Variants in PDE10A observed in about 807,000 individuals in gnomAD.
PDE10A encodes the protein phosphodiesterase 10A.
PDE10A carries 39 observed loss-of-function variants against 97.7 expected under a neutral mutation model. The observed-to-expected ratio is 0.40, with a 90% CI of 0.31 to 0.52. PDE10A has a LOEUF of 0.52. PDE10A is among the 20% of genes least tolerant of loss of function. PDE10A has a pLI of 0.56. For synonymous variants in PDE10A, 371 were observed against 376.8 expected (o/e 0.98, Z 0.18); for missense variants, 731 against 1,047.8 (o/e 0.70, Z 4.17).
At chr6:165,841,614 C>A (rs1466475836) in intron 1 of PDE10A, among the ~76,000 whole-genome samples, 5 of 152,244 alleles carry the variant, frequency 3.3e-5, no homozygotes, top group Non-Finnish European at 7.3e-5. Flanking sequence ...TTCAAAACAA[C>A]CCTAACCTTA....
chr6:165,419,192 C>T (rs958872373), intron 10 of PDE10A, among the ~76,000 whole-genome samples: 3 of 152,214 alleles, frequency 2.0e-5, no homozygotes, highest in African/African-American at 4.8e-5. Context: ...GTCAGCACTA[C>T]GACCACCACT....
chr6:165,597,986 C>T (rs1786705442), intron 1 of PDE10A, among the ~76,000 whole-genome samples: 1 of 152,190 alleles, frequency 6.6e-6, no homozygotes, highest in South Asian at 2.1e-4. Context: ...AACAGGGCAA[C>T]AAGAGCTCCA....
chr6:165,790,593 T>G (rs1197993853), intron 1 of PDE10A, among the ~76,000 whole-genome samples: 1 of 152,168 alleles, frequency 6.6e-6, no homozygotes, highest in Non-Finnish European at 1.5e-5. Context: ...CCCAGAGACA[T>G]GGCTCATTCT....
intron 1 of PDE10A, among the ~76,000 whole-genome samples, chr6:165,888,296 C>CT (rs10708803): frequency 2.7e-3 from 396 of 148,202 alleles, no homozygotes; most frequent in Non-Finnish European, 2.7e-3. Flanking sequence ...CTTTTCTTTT[C>CT]TTTTTTTTTT....
chr6:165,984,228 T>C (rs1785112113), intron 1 of PDE10A, among the ~76,000 whole-genome samples: 2 of 152,370 alleles, frequency 1.3e-5, no homozygotes, highest in South Asian at 2.1e-4. Flanking sequence ...TGGATATAGG[T>C]ACTTACTGTT....
chr6:165,376,457 T>C (rs912169495), intron 18 of PDE10A, among the ~76,000 whole-genome samples: 1 of 152,232 alleles, frequency 6.6e-6, no homozygotes, highest in African/African-American at 2.4e-5. Flanking sequence ...ATAAACTTGT[T>C]TGACAAAGCA....
chr6:165,955,191 A>G (rs1242309333), intron 1 of PDE10A, among the ~76,000 whole-genome samples: 5 of 152,118 alleles, frequency 3.3e-5, no homozygotes, highest in African/African-American at 1.2e-4. Context: ...AGTTCTCCAC[A>G]TAGCCCGAGG....
chr6:165,987,738 C>T (rs1025973116), exon 1 of PDE10A: 1 of 456,428 alleles, frequency 2.2e-6, no homozygotes, highest in African/African-American at 2.0e-5. Context: ...CTCGCGCGCT[C>T]CGCTCAGCAG....
intron 5 of PDE10A, among the ~76,000 whole-genome samples, chr6:165,438,445 C>T (rs968314564): frequency 6.6e-6 from 1 of 152,240 alleles, no homozygotes; most frequent in Non-Finnish European, 1.5e-5. Flanking sequence ...GCCTCAGCCT[C>T]CCAAAGTGCT....
intron 1 of PDE10A, among the ~76,000 whole-genome samples, chr6:165,618,555 G>A (rs956695224): frequency 1.3e-5 from 2 of 152,222 alleles, no homozygotes; most frequent in Non-Finnish European, 2.9e-5. Flanking sequence ...CCATCCAGGA[G>A]CGGGACTTAA....
chr6:165,563,424 C>CT (rs1207076240), intron 1 of PDE10A, among the ~76,000 whole-genome samples: 2 of 152,136 alleles, frequency 1.3e-5, no homozygotes, highest in African/African-American at 2.4e-5. Context: ...ACAAAGAAAA[C>CT]TAAGTATAGA....
intron 10 of PDE10A, among the ~76,000 whole-genome samples, chr6:165,423,879 C>T (rs60937458): frequency 3.5e-3 from 524 of 151,846 alleles, no homozygotes; most frequent in African/African-American, 0.012. Flanking sequence ...CCCAGATTTG[C>T]TTGTCTGAAA....
intron 1 of PDE10A, among the ~76,000 whole-genome samples, chr6:165,617,528 T>A (rs2128404812): frequency 6.6e-6 from 1 of 152,158 alleles, no homozygotes; most frequent in East Asian, 1.9e-4. Context: ...GCCATTAATA[T>A]TAAATTATCA....
At chr6:165,703,659 A>G (rs1354270402) in intron 1 of PDE10A, among the ~76,000 whole-genome samples, 2 of 152,344 alleles carry the variant, frequency 1.3e-5, no homozygotes, top group East Asian at 3.9e-4. Flanking sequence ...GAACTGTCCA[A>G]TTTGCAGATT....
chr6:165,859,265 A>G (rs985354906), intron 1 of PDE10A, among the ~76,000 whole-genome samples: 1 of 152,212 alleles, frequency 6.6e-6, no homozygotes, highest in Non-Finnish European at 1.5e-5. Context: ...TAGACAGCGC[A>G]CCAGCACTGT....
intron 1 of PDE10A, among the ~76,000 whole-genome samples, chr6:165,801,296 A>G (rs879899770): frequency 1.1e-4 from 17 of 152,194 alleles, no homozygotes; most frequent in Non-Finnish European, 2.1e-4. Flanking sequence ...TGTAAACCCA[A>G]CACTTTGGGA....
At chr6:165,858,692 T>C (rs1583199323) in intron 1 of PDE10A, among the ~76,000 whole-genome samples, 2 of 152,206 alleles carry the variant, frequency 1.3e-5, no homozygotes, top group Admixed American at 1.3e-4. Flanking sequence ...TTTGAAGGCA[T>C]GTGTGGTGCC....
chr6:165,492,025 C>T (rs1212421325), intron 2 of PDE10A, among the ~76,000 whole-genome samples: 1 of 151,806 alleles, frequency 6.6e-6, no homozygotes, highest in Non-Finnish European at 1.5e-5. Context: ...CAAACGGGAG[C>T]TATTACAAAC....
In PDE10A at chr6:165,598,673, G is replaced by A. The variant is rs548323338; in HGVS notation, c.866-55105C>T. 8.5e-5 allele frequency among the ~76,000 whole-genome samples: 13 copies of A among 152,148 alleles called. No individual in the cohort carries two copies. The East Asian group carries it at 1.2e-3, about 14-fold the overall frequency. On this transcript the variant is annotated intron_variant, in intron 1 of 21. Coordinates refer to ENST00000539869, the MANE Select transcript of PDE10A (RefSeq NM_001385079.1). ...ATTCTTAATATGCCATCTGGAACAC[G>A]GCAATTAATAAATGGTTCCTTGGGT...
Sources: gnomAD v4.1 joint callset for allele counts (sites outside exome capture counted in the v4.1 genomes callset) on GRCh38, gnomAD v4.1.1 for gene constraint, MANE v1.5 for transcripts, NCBI Gene and HGNC (gene_info 2026-07-23, HGNC 2026-07-21) for gene names.